MYH15: variants seen among roughly 807,000 people sequenced by gnomAD.
The protein encoded by MYH15 is myosin heavy chain 15, also known as myosin-15.
A neutral mutation model predicts 240.5 loss-of-function variants in MYH15; 227 were observed. That is an observed-to-expected ratio of 0.94 (90% confidence interval 0.85 to 1.05). The LOEUF (loss-of-function observed/expected upper bound fraction) is 1.05. MYH15 is among the 50% of genes least tolerant of loss of function. MYH15 has a pLI of 0.00. For missense variants in MYH15, 2,217 were observed against 2,247.5 expected (o/e 0.99, Z 0.27); for synonymous variants, 785 against 796.7 (o/e 0.99, Z 0.25).
chr3:108,441,228 C>T lies in MYH15; in HGVS notation c.2688G>A (p.Gln896=), dbSNP rs1225400757. 1 of 1,614,136 alleles carries T rather than the reference C, an allele frequency of 6.2e-7. No individual in the cohort carries two copies. Among genetic ancestry groups the T allele is most frequent in the South Asian group, 1.1e-5 (1 of 91,088 alleles). Residue 896 remains glutamine, a synonymous_variant, in exon 23 of 41, where the codon CAG becomes CAA. Coordinates refer to ENST00000693548, the MANE Select transcript of MYH15 (RefSeq NM_014981.3). ...TCTTGGATTTAATCAGCCACTCGCACTGCTCTTCAACATTTGCCAGTGTCT... is the reference window on the plus strand; with the variant it reads ...TCTTGGATTTAATCAGCCACTCGCATTGCTCTTCAACATTTGCCAGTGTCT... ...EQETLANVEE[Q]CEWLIKSKIQ... is the part of the protein sequence containing the mutation.
In MYH15 at chr3:108,382,287, C is replaced by T. The variant is rs892058714; in HGVS notation, c.5767-728G>A. ...CGCATAGGACTTATCCTTGAGGCAGCTATTCAGGCATCAGTAAAAAATTTC... is the reference window on the plus strand; with the variant it reads ...CGCATAGGACTTATCCTTGAGGCAGTTATTCAGGCATCAGTAAAAAATTTC... On this transcript the variant is annotated intron_variant, in intron 40 of 40. Coordinates refer to ENST00000693548, the MANE Select transcript of MYH15 (RefSeq NM_014981.3). Among the ~76,000 whole-genome samples, 2 of 152,142 alleles carry T rather than the reference C, an allele frequency of 1.3e-5. 1 individual carries two copies. The highest frequency in any genetic ancestry group is 3.9e-4 in the East Asian group (2 of 5,188).
intron 1 of MYH15, among the ~76,000 whole-genome samples, chr3:108,522,940 A>G (rs1215099805): frequency 6.6e-6 from 1 of 152,106 alleles, no homozygotes; most frequent in African/African-American, 2.4e-5. Context: ...TTACAAAGGA[A>G]AGAAAAAATC....
At chr3:108,389,199 C>A in intron 37 of MYH15, 125 bp from the exon 38 acceptor site, 1 of 733,850 alleles carries the variant, frequency 1.4e-6, no homozygotes, top group Admixed American at 2.6e-5. Context: ...GTTTTTGGTG[C>A]TTAAACAGGA....
chr3:108,441,009 A>T lies in MYH15; in HGVS notation c.2898+9T>A. The T allele has an allele frequency of 6.2e-7, 1 of 1,613,232 alleles. No individual in the cohort carries two copies. Among genetic ancestry groups the T allele is most frequent in the East Asian group, 2.2e-5 (1 of 44,878 alleles). On this transcript the variant is annotated intron_variant, in intron 23 of 40. Coordinates refer to ENST00000693548, the MANE Select transcript of MYH15 (RefSeq NM_014981.3). Reference sequence around the variant, plus strand: ...TAGGCCTTCTTAACTAACATTATGGAAAAAGTACCTTGTGCTCTGTAGTAC... The same window carrying T: ...TAGGCCTTCTTAACTAACATTATGGTAAAAGTACCTTGTGCTCTGTAGTAC...
intron 12 of MYH15, among the ~76,000 whole-genome samples, chr3:108,475,387 C>T (rs1040065842): frequency 6.6e-6 from 1 of 152,168 alleles, no homozygotes; most frequent in Non-Finnish European, 1.5e-5. Context: ...TTTATCCATA[C>T]TATGTGTGAC....
chr3:108,485,391 G>A (rs1023543413), intron 10 of MYH15, among the ~76,000 whole-genome samples, 162 bp from the exon 11 acceptor site: 48 of 152,166 alleles, frequency 3.2e-4, no homozygotes, highest in Non-Finnish European at 8.8e-5. Flanking sequence ...TTGGTCACCC[G>A]CAGTCTGCTC....
At chr3:108,412,109 T>C (rs371683125) in intron 30 of MYH15, among the ~76,000 whole-genome samples, 2 of 152,236 alleles carry the variant, frequency 1.3e-5, no homozygotes, top group African/African-American at 4.8e-5. Flanking sequence ...CTGATCATAC[T>C]GGACTGCCTG....
At chr3:108,496,059 A>G (rs1445095951) in intron 6 of MYH15, among the ~76,000 whole-genome samples, 187 bp from the exon 7 acceptor site, 2 of 152,236 alleles carry the variant, frequency 1.3e-5, no homozygotes, top group South Asian at 2.1e-4. Context: ...ACAGAGGCTA[A>G]CAATATACAA....
chr3:108,423,503 C>A (rs2082701119), intron 27 of MYH15, among the ~76,000 whole-genome samples: 1 of 152,212 alleles, frequency 6.6e-6, no homozygotes, highest in African/African-American at 2.4e-5. Flanking sequence ...TCCCCACTCT[C>A]CACTCCTAAC....
At chr3:108,398,543 G>A in intron 35 of MYH15, 94 bp downstream of exon 35, 2 of 1,192,394 alleles carry the variant, frequency 1.7e-6, no homozygotes, top group Non-Finnish European at 2.5e-6. Flanking sequence ...AGACTTAACA[G>A]GGCGACTGTG....
intron 21 of MYH15, among the ~76,000 whole-genome samples, chr3:108,453,311 G>T (rs1242515553): frequency 6.6e-6 from 1 of 151,886 alleles, no homozygotes; most frequent in East Asian, 1.9e-4. Context: ...TTTCTCTTGG[G>T]AAAAAACAGA....
chr3:108,478,526 T>C (rs2083239074), intron 11 of MYH15, among the ~76,000 whole-genome samples: 1 of 152,136 alleles, frequency 6.6e-6, no homozygotes, highest in Non-Finnish European at 1.5e-5. Context: ...TGTCAAATCA[T>C]AGACTTTTTG....
intron 6 of MYH15, among the ~76,000 whole-genome samples, chr3:108,497,684 C>G (rs969353852): frequency 1.3e-5 from 2 of 152,012 alleles, no homozygotes; most frequent in Admixed American, 6.6e-5. Context: ...TTGTGGGAAT[C>G]TGATATCTCA....
At chr3:108,472,449 T>C (rs1341522201) in intron 12 of MYH15, among the ~76,000 whole-genome samples, 4 of 152,224 alleles carry the variant, frequency 2.6e-5, no homozygotes, top group Non-Finnish European at 5.9e-5. Context: ...TGATCAGTTA[T>C]CTTGAGTCAT....
At chr3:108,494,465 C>T (rs1290498963) in intron 7 of MYH15, among the ~76,000 whole-genome samples, 1 of 151,658 alleles carries the variant, frequency 6.6e-6, no homozygotes. Flanking sequence ...TTCTATCTTT[C>T]CAACTTTTCT....
At position 108,410,855 on chromosome 3, in the gene MYH15, C is replaced by T; in HGVS notation, c.4223G>A (p.Arg1408Lys). The T allele has an allele frequency of 6.2e-7, 1 of 1,613,912 alleles. No homozygotes were observed. Among genetic ancestry groups the T allele is most frequent in the Non-Finnish European group, 8.5e-7 (1 of 1,179,810 alleles). ...CTCCAGCTGCAGCTGGTGCCTGGCT[C>T]TCTCCAAGGAGGCATTTCTGGCATT... ...VANARNASLE[R>K]ARHQLQLELG... The change falls in exon 31 of 41, where the codon AGA becomes AAA. Residue 1408 changes from arginine (R) to lysine (K), a missense_variant. Coordinates refer to ENST00000693548, the MANE Select transcript of MYH15 (RefSeq NM_014981.3).
intron 25 of MYH15, among the ~76,000 whole-genome samples, chr3:108,432,327 G>T (rs1305629703): frequency 1.3e-5 from 2 of 152,090 alleles, no homozygotes; most frequent in Admixed American, 6.5e-5. Flanking sequence ...CAGAGTGCTA[G>T]GATTACAGGC....
chr3:108,497,224 CAGGAACGTGGTGGT>C (rs1408148674), intron 6 of MYH15, among the ~76,000 whole-genome samples: 2 of 127,072 alleles, frequency 1.6e-5, no homozygotes, highest in East Asian at 5.4e-4. Flanking sequence ...TAATCAAATT[CAGGAACGTGGTGGT>C]AAAAAAAAGA....
intron 25 of MYH15, among the ~76,000 whole-genome samples, chr3:108,433,872 T>C (rs1394561638): frequency 6.6e-6 from 1 of 152,156 alleles, no homozygotes; most frequent in Non-Finnish European, 1.5e-5. Flanking sequence ...ACTAATGTCA[T>C]ACCCAATCCC....
Sources: gnomAD v4.1 joint callset for allele counts (sites outside exome capture counted in the v4.1 genomes callset) on GRCh38, gnomAD v4.1.1 for gene constraint, MANE v1.5 for transcripts, NCBI Gene and HGNC (gene_info 2026-07-23, HGNC 2026-07-21) for gene names.